Variants in PTPRN2 observed in about 807,000 individuals in gnomAD.
PTPRN2 encodes protein tyrosine phosphatase receptor type N2.
A neutral mutation model predicts 118.8 loss-of-function variants in PTPRN2; 74 were observed. The observed-to-expected ratio is 0.62, with a 90% CI of 0.52 to 0.76. The LOEUF (loss-of-function observed/expected upper bound fraction) is 0.76. Ranked by LOEUF, PTPRN2 falls within the 30% of genes least tolerant of loss-of-function variation. PTPRN2 has a pLI of 0.00. For missense variants in PTPRN2, 1,481 were observed against 1,394.4 expected, an observed-to-expected ratio of 1.06 and a Z score of -0.99; for synonymous variants, 641 against 608.0, an observed-to-expected ratio of 1.05 and a Z score of -0.80.
chr7:158,437,985 G>A (rs1354934790), intron 2 of PTPRN2, among the ~76,000 whole-genome samples: 1 of 152,184 alleles, frequency 6.6e-6, no homozygotes, highest in Non-Finnish European at 1.5e-5. Context: ...CCCTTGCCTG[G>A]TTTCTCAGCC....
rs955993787 is a variant in PTPRN2 at position 157,949,212 on chromosome 7, A to C, written c.1724-50475T>G. ...CGGTTAGGGACTCACGTAGGATCCA[A>C]AGTTGAAAGTAAAATGATGCATTTT... On this transcript the variant is annotated intron_variant, in intron 11 of 22. Coordinates refer to ENST00000389418, the MANE Select transcript of PTPRN2 (RefSeq NM_002847.5). 2.6e-5 allele frequency among the ~76,000 whole-genome samples: 4 copies of C among 152,370 alleles called. No homozygotes were observed. The East Asian group carries it at 7.7e-4, about 29-fold the overall frequency.
At chr7:157,948,873 T>G (rs4716823) in intron 11 of PTPRN2, among the ~76,000 whole-genome samples, 79,055 of 151,614 alleles carry the variant, frequency 0.52, 21,441 homozygotes, top group East Asian at 0.66. Flanking sequence ...GTTTGAATCA[T>G]GCAGGTCCAC....
intron 13 of PTPRN2, among the ~76,000 whole-genome samples, chr7:157,657,005 CAT>C (rs1446277929): frequency 1.6e-4 from 23 of 146,390 alleles, no homozygotes; most frequent in African/African-American, 5.1e-4. Context: ...TATACACACA[CAT>C]ACGCCACACA....
Position 158,355,869 on chromosome 7 carries a change from C to T in PTPRN2, c.164-38937G>A, listed in dbSNP as rs115051047. Among the ~76,000 whole-genome samples, 523 of 152,250 alleles carry T rather than the reference C, an allele frequency of 3.4e-3. 6 individuals are homozygous for T. Among genetic ancestry groups the T allele is most frequent in the African/African-American group, 0.01 (429 of 41,538 alleles). On this transcript the variant is annotated intron_variant, in intron 2 of 22. Transcript: ENST00000389418. The stretch of plus-strand genomic sequence containing the variant: ...GATGCGAATCCTCCACGTGGGGATG[C>T]GGGAAGGCTGTTCTTGCCAAAGGCT...
rs1804021497 is a variant in PTPRN2, at chr7:157,632,498, A to T, written c.2197-10989T>A. ...ATAAGTAATTTTTTCCTTACCACCT[A>T]CTCTTACTAAGTAGGGGAAAGTCTT... is the stretch of plus-strand genomic sequence containing the variant. On this transcript the variant is annotated intron_variant, in intron 14 of 22. Coordinates refer to ENST00000389418, the MANE Select transcript of PTPRN2 (RefSeq NM_002847.5). The surrounding 1 kb of genome is among the most constrained non-coding windows in gnomAD (Gnocchi z 4.3). Among the ~76,000 whole-genome samples the T allele has an allele frequency of 6.6e-6, 1 of 152,146 alleles. No homozygotes were observed. The highest frequency in any genetic ancestry group is 2.4e-5 in the African/African-American group (1 of 41,416).
chr7:157,622,747 G>A lies in PTPRN2; in HGVS notation c.2197-1238C>T, dbSNP rs902747894. ...GGGACAATCGCCTGGCTCAGGGTGG[G>A]CACTCTAAGGCCGTCTGTTGGGAGG... is the stretch of plus-strand genomic sequence containing the variant. On this transcript the variant is annotated intron_variant, in intron 14 of 22. Transcript: ENST00000389418. The surrounding 1 kb of genome is among the most constrained non-coding windows in gnomAD (Gnocchi z 5.3). 2.0e-4 allele frequency among the ~76,000 whole-genome samples: 30 copies of A among 152,196 alleles called. No individual in the cohort carries two copies. Among genetic ancestry groups the A allele is most frequent in the African/African-American group, 6.3e-4 (26 of 41,454 alleles).
chr7:158,454,963 G>A (rs545672952), intron 2 of PTPRN2, among the ~76,000 whole-genome samples: 2 of 152,092 alleles, frequency 1.3e-5, no homozygotes, highest in Admixed American at 1.3e-4. Flanking sequence ...CTGCCTCCAC[G>A]CAGCCCACAG....
intron 11 of PTPRN2, among the ~76,000 whole-genome samples, chr7:158,073,876 T>C (rs1353480039): frequency 1.3e-5 from 2 of 152,168 alleles, no homozygotes; most frequent in Non-Finnish European, 2.9e-5. Flanking sequence ...AGCAGGCTCC[T>C]CCAGCAAAAC....
At chr7:158,002,943 G>T (rs1805378604) in intron 11 of PTPRN2, among the ~76,000 whole-genome samples, 1 of 152,192 alleles carries the variant, frequency 6.6e-6, no homozygotes, top group Non-Finnish European at 1.5e-5. Flanking sequence ...CCTGGCCGGG[G>T]TTTGGCAGCA....
At chr7:158,141,337 C>T (rs1290734308) in intron 6 of PTPRN2, among the ~76,000 whole-genome samples, 2 of 152,228 alleles carry the variant, frequency 1.3e-5, no homozygotes, top group East Asian at 3.9e-4. Context: ...CCTGTGGCAC[C>T]CCCGTTCACT....
chr7:157,718,754 GC>G (rs1203696954), intron 12 of PTPRN2, among the ~76,000 whole-genome samples: 1 of 151,432 alleles, frequency 6.6e-6, no homozygotes, highest in Non-Finnish European at 1.5e-5. Flanking sequence ...ACTCTCCATG[GC>G]CCCGGGGTGA....
intron 12 of PTPRN2, among the ~76,000 whole-genome samples, chr7:157,788,783 G>A (rs1376127597): frequency 1.3e-5 from 2 of 152,102 alleles, no homozygotes; most frequent in Non-Finnish European, 2.9e-5. Flanking sequence ...CCATAGGGGA[G>A]GCTTCTGGGG....
intron 2 of PTPRN2, among the ~76,000 whole-genome samples, chr7:158,365,861 C>CACACA (rs1361789098): frequency 6.1e-5 from 9 of 146,466 alleles, no homozygotes; most frequent in Non-Finnish European, 1.2e-4. Context: ...CACACACACA[C>CACACA]AGCATCCCTG....
intron 10 of PTPRN2, among the ~76,000 whole-genome samples, chr7:158,094,345 T>G (rs900686679): frequency 6.6e-6 from 1 of 152,154 alleles, no homozygotes; most frequent in African/African-American, 2.4e-5. Flanking sequence ...AGTCTCGCAC[T>G]GTCACCCAGG....
chr7:158,378,909 T>C (rs185646164), intron 2 of PTPRN2, among the ~76,000 whole-genome samples: 4 of 152,342 alleles, frequency 2.6e-5, no homozygotes, highest in Non-Finnish European at 5.9e-5. Flanking sequence ...GGGACTTTAA[T>C]GGGATGGGGA....
chr7:158,139,538 A>G (rs1398331875), intron 6 of PTPRN2, among the ~76,000 whole-genome samples: 1 of 152,088 alleles, frequency 6.6e-6, no homozygotes, highest in Non-Finnish European at 1.5e-5. Flanking sequence ...AAAGCCCACA[A>G]GTCTCTCAAA....
At chr7:158,379,023 A>G (rs1451986929) in intron 2 of PTPRN2, among the ~76,000 whole-genome samples, 2 of 150,896 alleles carry the variant, frequency 1.3e-5, no homozygotes, top group African/African-American at 4.9e-5. Flanking sequence ...GTGGAGGGGA[A>G]GAGCTCCCTG....
intron 12 of PTPRN2, among the ~76,000 whole-genome samples, chr7:157,739,958 G>A (rs1438956574): frequency 6.6e-6 from 1 of 152,344 alleles, no homozygotes; most frequent in East Asian, 1.9e-4. Context: ...AGCCAGCCAG[G>A]GTTCAGGGAG....
At chr7:157,731,561 ATG>A (rs1799916012) in intron 12 of PTPRN2, among the ~76,000 whole-genome samples, 2 of 121,210 alleles carry the variant, frequency 1.7e-5, no homozygotes, top group Non-Finnish European at 3.8e-5. Flanking sequence ...TTCCCGTCCC[ATG>A]CGCCCAGCAC....
Sources: allele counts gnomAD v4.1 joint callset (sites outside exome capture counted in the v4.1 genomes callset), GRCh38; gene constraint gnomAD v4.1.1; non-coding constraint Gnocchi (gnomAD v3.1); transcripts MANE v1.5; gene names NCBI Gene and HGNC (gene_info 2026-07-23, HGNC 2026-07-21).